SLC35F1: variants seen among roughly 807,000 people sequenced by gnomAD.
SLC35F1 encodes the protein chromosome 6 open reading frame 169.
Under a neutral mutation model 48.7 loss-of-function variants are expected in SLC35F1, and 14 were observed. That is an observed-to-expected ratio of 0.29 (90% CI 0.19 to 0.45). SLC35F1 has a LOEUF of 0.45. SLC35F1 is among the 20% of genes least tolerant of loss of function. The probability of loss-of-function intolerance (pLI) is 1.00; values close to 1 mark genes in which losing one functional copy is unlikely to be tolerated. For synonymous variants in SLC35F1, 190 were observed against 202.2 expected, an observed-to-expected ratio of 0.94 and a Z score of 0.51; for missense variants, 404 against 500.0, an observed-to-expected ratio of 0.81 and a Z score of 1.83.
intron 1 of SLC35F1, among the ~76,000 whole-genome samples, chr6:118,026,540 T>C (rs1264550231): frequency 1.3e-5 from 2 of 152,220 alleles, no homozygotes; most frequent in Non-Finnish European, 2.9e-5. Flanking sequence ...CTTATTTTGT[T>C]AATACTCTCT....
At chr6:118,017,400 A>G (rs1374711630) in intron 1 of SLC35F1, among the ~76,000 whole-genome samples, 1 of 152,154 alleles carries the variant, frequency 6.6e-6, no homozygotes, top group South Asian at 2.1e-4. Flanking sequence ...CTCAATAGGG[A>G]CTTATCAGCA....
chr6:118,009,985 A>G (rs534012239), intron 1 of SLC35F1, among the ~76,000 whole-genome samples: 1 of 152,306 alleles, frequency 6.6e-6, no homozygotes, highest in African/African-American at 2.4e-5. Context: ...TTTATTGACT[A>G]CGTATTTTAC....
chr6:118,305,389 C>T (rs1776301211), intron 7 of SLC35F1, among the ~76,000 whole-genome samples: 1 of 152,056 alleles, frequency 6.6e-6, no homozygotes, highest in Non-Finnish European at 1.5e-5. Flanking sequence ...ACAGAAACAT[C>T]TGTTTTGTCC....
intron 1 of SLC35F1, among the ~76,000 whole-genome samples, chr6:117,998,420 T>C (rs1437913694): frequency 2.6e-5 from 4 of 152,082 alleles, no homozygotes; most frequent in Admixed American, 6.6e-5. Context: ...CTGCACCAAG[T>C]GGACCTAATA....
At chr6:118,191,026 G>C (rs547529433) in intron 2 of SLC35F1, among the ~76,000 whole-genome samples, 1 of 152,184 alleles carries the variant, frequency 6.6e-6, no homozygotes, top group African/African-American at 2.4e-5. Context: ...CCTATCATGA[G>C]GAATACACTT....
At chr6:117,981,299 A>G (rs1776778524) in intron 1 of SLC35F1, among the ~76,000 whole-genome samples, 1 of 152,040 alleles carries the variant, frequency 6.6e-6, no homozygotes, top group Non-Finnish European at 1.5e-5. Flanking sequence ...GGTGTTGGAG[A>G]TGTGATCATT....
At chr6:117,930,425 T>C (rs1297541796) in intron 1 of SLC35F1, among the ~76,000 whole-genome samples, 1 of 152,162 alleles carries the variant, frequency 6.6e-6, no homozygotes, top group Non-Finnish European at 1.5e-5. Context: ...GCTGAATTCA[T>C]TTTGTGGGAG....
chr6:117,988,649 G>A (rs765347807), intron 1 of SLC35F1, among the ~76,000 whole-genome samples: 3 of 152,184 alleles, frequency 2.0e-5, no homozygotes, highest in Non-Finnish European at 2.9e-5. Flanking sequence ...CATTAACTCT[G>A]ATTTTTTTTG....
chr6:118,123,424 GATAGTTTTTTT>G (rs1773580911), intron 1 of SLC35F1, among the ~76,000 whole-genome samples: 1 of 20,124 alleles, frequency 5.0e-5, no homozygotes, highest in African/African-American at 9.8e-5. Flanking sequence ...AATGCCAAAT[GATAGTTTTTTT>G]TTTTTACAGA....
chr6:117,983,481 G>A (rs1476573156), intron 1 of SLC35F1, among the ~76,000 whole-genome samples: 4 of 152,164 alleles, frequency 2.6e-5, no homozygotes, highest in African/African-American at 4.8e-5. Flanking sequence ...GGAGGCTGAG[G>A]CAGGAGAATC....
intron 1 of SLC35F1, among the ~76,000 whole-genome samples, chr6:118,090,231 A>T (rs997709309): frequency 1.3e-5 from 2 of 152,182 alleles, no homozygotes; most frequent in Non-Finnish European, 2.9e-5. Flanking sequence ...ACTGGCCAGG[A>T]TGCTCTAAGT....
At chr6:117,985,830 T>A (rs941373536) in intron 1 of SLC35F1, among the ~76,000 whole-genome samples, 1 of 152,242 alleles carries the variant, frequency 6.6e-6, no homozygotes, top group Non-Finnish European at 1.5e-5. Flanking sequence ...AAGTTGGATA[T>A]CTGTCTTAAA....
At chr6:118,029,856 T>C (rs900720630) in intron 1 of SLC35F1, among the ~76,000 whole-genome samples, 5 of 152,192 alleles carry the variant, frequency 3.3e-5, no homozygotes, top group Admixed American at 3.3e-4. Flanking sequence ...AGGGGAACTA[T>C]AGTATGCCAC....
At chr6:118,170,424 T>C (rs1774385823) in intron 2 of SLC35F1, among the ~76,000 whole-genome samples, 1 of 152,150 alleles carries the variant, frequency 6.6e-6, no homozygotes, top group African/African-American at 2.4e-5. Context: ...TTTGAGGTGA[T>C]AACATTATAA....
chr6:118,052,288 C>G (rs909115976), intron 1 of SLC35F1, among the ~76,000 whole-genome samples: 1 of 152,128 alleles, frequency 6.6e-6, no homozygotes, highest in African/African-American at 2.4e-5. Flanking sequence ...CACATACAAT[C>G]TCAAACCACT....
intron 6 of SLC35F1, among the ~76,000 whole-genome samples, chr6:118,282,336 T>C (rs1387338621): frequency 6.6e-6 from 1 of 152,234 alleles, no homozygotes; most frequent in East Asian, 1.9e-4. Context: ...AAACAGTATA[T>C]TCACATGCAA....
chr6:117,942,997 A>C (rs1338797572), intron 1 of SLC35F1, among the ~76,000 whole-genome samples: 1 of 152,186 alleles, frequency 6.6e-6, no homozygotes, highest in African/African-American at 2.4e-5. Flanking sequence ...TCAATATACC[A>C]TGCCAATCTC....
chr6:117,997,236 A>C (rs1400629822), intron 1 of SLC35F1, among the ~76,000 whole-genome samples: 5 of 152,176 alleles, frequency 3.3e-5, no homozygotes, highest in Non-Finnish European at 5.9e-5. Flanking sequence ...AAAGAATAAA[A>C]AGAAACAAAC....
chr6:118,271,805 G>A (rs1000300356), intron 4 of SLC35F1, among the ~76,000 whole-genome samples: 4 of 152,162 alleles, frequency 2.6e-5, no homozygotes, highest in Non-Finnish European at 2.9e-5. Context: ...AACCCAAAGA[G>A]ACAGGTGCTT....
Sources: allele counts gnomAD v4.1 joint callset (sites outside exome capture counted in the v4.1 genomes callset), GRCh38; gene constraint gnomAD v4.1.1; transcripts MANE v1.5; gene names NCBI Gene and HGNC (gene_info 2026-07-23, HGNC 2026-07-21).